Variants in GRAMD2B observed in about 807,000 individuals in gnomAD.
GRAMD2B encodes the protein GRAM domain containing 2B.
A neutral mutation model predicts 59.2 loss-of-function variants in GRAMD2B; 41 were observed. The observed-to-expected ratio is 0.69, with a 90% CI of 0.54 to 0.90. The LOEUF is 0.90. Ranked by LOEUF, GRAMD2B falls within the 40% of genes least tolerant of loss-of-function variation. The pLI is 0.00. For synonymous variants in GRAMD2B, 161 were observed against 182.7 expected (o/e 0.88, Z 0.96); for missense variants, 424 against 500.5 (o/e 0.85, Z 1.46).
chr5:126,376,505 G>A (rs1397640075), intron 1 of GRAMD2B, among the ~76,000 whole-genome samples: 1 of 152,170 alleles, frequency 6.6e-6, no homozygotes, highest in African/African-American at 2.4e-5. Context: ...CTTCTCTCAA[G>A]AGCTTTGTCT....
intron 1 of GRAMD2B, among the ~76,000 whole-genome samples, chr5:126,455,576 A>T (rs1766133453): frequency 6.6e-6 from 1 of 152,212 alleles, no homozygotes; most frequent in African/African-American, 2.4e-5. Flanking sequence ...ATCCTTCCAC[A>T]ATAATCATTG....
chr5:126,420,286 C>T (rs1292707842), upstream of GRAMD2B, among the ~76,000 whole-genome samples: 1 of 152,102 alleles, frequency 6.6e-6, no homozygotes, highest in Non-Finnish European at 1.5e-5. Context: ...AATGACATTT[C>T]CTTTATTGTT....
At chr5:126,408,636 T>C (rs1384334248) in intron 1 of GRAMD2B, among the ~76,000 whole-genome samples, 2 of 151,870 alleles carry the variant, frequency 1.3e-5, no homozygotes, top group African/African-American at 4.8e-5. Flanking sequence ...AATCATGCTG[T>C]GTGACTTCTG....
chr5:126,372,827 T>G (rs1350157893), intron 1 of GRAMD2B, among the ~76,000 whole-genome samples: 1 of 152,184 alleles, frequency 6.6e-6, no homozygotes, highest in East Asian at 1.9e-4. Context: ...TTGCTTTGTC[T>G]GTGGAATCCA....
intron 5 of GRAMD2B, among the ~76,000 whole-genome samples, chr5:126,474,409 A>T (rs1006300925): frequency 6.6e-6 from 1 of 152,104 alleles, no homozygotes; most frequent in Non-Finnish European, 1.5e-5. Flanking sequence ...TAGGTAAAAC[A>T]TATTCTTTTT....
intron 1 of GRAMD2B, among the ~76,000 whole-genome samples, chr5:126,401,851 T>C (rs1346514559): frequency 6.6e-6 from 1 of 152,088 alleles, no homozygotes; most frequent in African/African-American, 2.4e-5. Flanking sequence ...CTCAGCTTAG[T>C]CAAGATATCA....
intron 13 of GRAMD2B, among the ~76,000 whole-genome samples, chr5:126,490,107 C>A (rs1460422027): frequency 6.6e-6 from 1 of 152,044 alleles, no homozygotes; most frequent in Admixed American, 6.6e-5. Context: ...TTCTTTACAT[C>A]GAGAATCAAC....
intron 1 of GRAMD2B, among the ~76,000 whole-genome samples, chr5:126,362,165 G>A (rs1561449368): frequency 2.0e-5 from 3 of 152,122 alleles, no homozygotes; most frequent in Admixed American, 2.0e-4. Context: ...CCTGACTCAC[G>A]TGTTAAAAGA....
In GRAMD2B at chr5:126,384,098, G is replaced by GA. The variant is rs560859348; in HGVS notation, c.125+12537dup. Among the ~76,000 whole-genome samples the GA allele has an allele frequency of 3.0e-3, 449 of 152,180 alleles. 1 individual carries two copies. Among genetic ancestry groups the GA allele is most frequent in the African/African-American group, 1.0e-2 (415 of 41,522 alleles). ...CTCTAGTCCTAGCACTTAGCACATA[G>GA]AAAAAACTCTACTTTACTAAAGCAG... On this transcript the variant is annotated intron_variant, in intron 1 of 8. Transcript: ENST00000506445.
intron 1 of GRAMD2B, among the ~76,000 whole-genome samples, chr5:126,408,845 C>G (rs375679518): frequency 8.6e-6 from 1 of 116,944 alleles, no homozygotes; most frequent in Non-Finnish European, 1.7e-5. Context: ...CCCCCTCCCC[C>G]CACCCGACAA....
At chr5:126,483,844 A>G (rs988164918) in intron 9 of GRAMD2B, among the ~76,000 whole-genome samples, 3 of 152,168 alleles carry the variant, frequency 2.0e-5, no homozygotes, top group African/African-American at 7.2e-5. Flanking sequence ...AGAAAAAAAC[A>G]TACAATTTTG....
At chr5:126,412,355 T>G (rs1758884483) in intron 1 of GRAMD2B, among the ~76,000 whole-genome samples, 1 of 152,170 alleles carries the variant, frequency 6.6e-6, no homozygotes, top group Non-Finnish European at 1.5e-5. Context: ...TTGCTGCATC[T>G]ATTGAGATAA....
chr5:126,458,994 A>G (rs969837076), intron 1 of GRAMD2B: 2 of 152,170 alleles, frequency 1.3e-5, no homozygotes, highest in Non-Finnish European at 2.9e-5. Flanking sequence ...AAGTTTCAGA[A>G]ATCAGTCTTC....
chr5:126,486,535 T>C (rs1168847729), intron 11 of GRAMD2B, among the ~76,000 whole-genome samples: 1 of 152,172 alleles, frequency 6.6e-6, no homozygotes, highest in African/African-American at 2.4e-5. Context: ...AGAACATGGC[T>C]AAGATCTGCC....
intron 1 of GRAMD2B, among the ~76,000 whole-genome samples, chr5:126,430,223 A>T (rs1440358563): frequency 1.3e-5 from 2 of 152,182 alleles, no homozygotes; most frequent in African/African-American, 4.8e-5. Flanking sequence ...ACCAACTTAA[A>T]CTAAATTTCC....
intron 1 of GRAMD2B, among the ~76,000 whole-genome samples, chr5:126,461,463 CA>C (rs1767349833): frequency 1.3e-5 from 2 of 152,132 alleles, no homozygotes; most frequent in African/African-American, 4.8e-5. Flanking sequence ...CAGTGTGTGG[CA>C]GTGTTTTATT....
chr5:126,457,757 C>T (rs1368161838), intron 1 of GRAMD2B, among the ~76,000 whole-genome samples: 2 of 42,570 alleles, frequency 4.7e-5, no homozygotes, highest in Non-Finnish European at 2.5e-4. Context: ...GCACAGGTTT[C>T]TCATGGGGGC....
chr5:126,380,575 T>C (rs769428759), intron 1 of GRAMD2B, among the ~76,000 whole-genome samples: 3 of 152,218 alleles, frequency 2.0e-5, no homozygotes, highest in Non-Finnish European at 4.4e-5. Flanking sequence ...TATGATCTTT[T>C]TCAGCAGTGT....
chr5:126,389,533 G>GT (rs977515515), intron 1 of GRAMD2B, among the ~76,000 whole-genome samples: 35 of 152,148 alleles, frequency 2.3e-4, no homozygotes, highest in East Asian at 1.5e-3. Context: ...CCCCTGAATG[G>GT]TTTTTTTATT....
Sources: gnomAD v4.1 joint callset for allele counts (sites outside exome capture counted in the v4.1 genomes callset) on GRCh38, gnomAD v4.1.1 for gene constraint, MANE v1.5 for transcripts, NCBI Gene and HGNC (gene_info 2026-07-23, HGNC 2026-07-21) for gene names.